Variants in GPATCH2 observed in about 807,000 individuals in gnomAD.
GPATCH2 encodes G patch domain-containing protein 2.
In GPATCH2, 51 loss-of-function variants were observed where a neutral mutation model predicts 58.0. The ratio of observed to expected loss-of-function variants is 0.88; its 90% CI spans 0.70 to 1.11. The LOEUF is 1.11. Among genes scored for constraint, GPATCH2 ranks in the 50% most tolerant of loss-of-function variants. GPATCH2 has a pLI of 0.00. For missense variants in GPATCH2, 625 were observed against 652.2 expected, an observed-to-expected ratio of 0.96 and a Z score of 0.45; for synonymous variants, 222 against 218.5, an observed-to-expected ratio of 1.02 and a Z score of -0.14.
At chr1:217,613,283 A>G (rs1020653542) in intron 3 of GPATCH2, among the ~76,000 whole-genome samples, 2 of 152,102 alleles carry the variant, frequency 1.3e-5, no homozygotes. Flanking sequence ...TGTTTTTTGT[A>G]CTGCCAAAAG....
At chr1:217,489,276 T>A (rs889647057) in intron 8 of GPATCH2, among the ~76,000 whole-genome samples, 2 of 152,174 alleles carry the variant, frequency 1.3e-5, no homozygotes, top group African/African-American at 4.8e-5. Context: ...GGCAATATTT[T>A]AATTACATTT....
chr1:217,524,006 A>T (rs1663655982), intron 5 of GPATCH2, among the ~76,000 whole-genome samples: 1 of 135,778 alleles, frequency 7.4e-6, no homozygotes, highest in Non-Finnish European at 1.6e-5. Flanking sequence ...GGGGCTCCTC[A>T]CTTCCCAGTA....
chr1:217,561,367 G>A (rs1665916165), intron 5 of GPATCH2, among the ~76,000 whole-genome samples: 1 of 152,128 alleles, frequency 6.6e-6, no homozygotes, highest in Non-Finnish European at 1.5e-5. Context: ...AAAAACATAC[G>A]CACAGCAGTT....
At chr1:217,519,163 A>T (rs1663325447) in intron 5 of GPATCH2, among the ~76,000 whole-genome samples, 2 of 152,250 alleles carry the variant, frequency 1.3e-5, no homozygotes, top group South Asian at 4.1e-4. Flanking sequence ...ATAAAGGAAG[A>T]TTCTTCGAAA....
intron 2 of GPATCH2, among the ~76,000 whole-genome samples, chr1:217,616,424 A>G (rs767072603): frequency 6.6e-6 from 1 of 152,046 alleles, no homozygotes; most frequent in Non-Finnish European, 1.5e-5. Flanking sequence ...TGGTATGCCT[A>G]TCTCCACTCT....
intron 9 of GPATCH2, among the ~76,000 whole-genome samples, chr1:217,437,320 C>A (rs965523407): frequency 2.0e-5 from 3 of 152,210 alleles, no homozygotes; most frequent in Non-Finnish European, 4.4e-5. Context: ...TGAGCAGACA[C>A]CAAGCTAGCT....
rs150174756 is a variant in GPATCH2, at chr1:217,527,716, A to G, written c.1099-12827T>C. ...AATAATAATGAAGCCAATTATATCTATTAAATTCTACATTTAGTCCTAGAA... is the reference window on the plus strand; with the variant it reads ...AATAATAATGAAGCCAATTATATCTGTTAAATTCTACATTTAGTCCTAGAA... On this transcript the variant is annotated intron_variant, in intron 5 of 9. Coordinates refer to ENST00000366935, the MANE Select transcript of GPATCH2 (RefSeq NM_018040.5). Among the ~76,000 whole-genome samples the G allele has an allele frequency of 2.2e-3, 330 of 152,312 alleles. 3 individuals are homozygous for G. Among genetic ancestry groups the G allele is most frequent in the African/African-American group, 7.2e-3 (300 of 41,560 alleles).
At chr1:217,595,693 T>C (rs1667791483) in intron 5 of GPATCH2, among the ~76,000 whole-genome samples, 1 of 151,994 alleles carries the variant, frequency 6.6e-6, no homozygotes, top group South Asian at 2.1e-4. Context: ...AGAGAAAGGG[T>C]TTTGCCATGC....
At chr1:217,525,480 A>G (rs578155404) in intron 5 of GPATCH2, among the ~76,000 whole-genome samples, 3 of 152,336 alleles carry the variant, frequency 2.0e-5, no homozygotes, top group East Asian at 1.9e-4. Context: ...TAAACATTCT[A>G]TTTTATGTTT....
intron 9 of GPATCH2, among the ~76,000 whole-genome samples, chr1:217,431,692 TA>T (rs1347604152): frequency 4.6e-5 from 7 of 152,208 alleles, no homozygotes; most frequent in Non-Finnish European, 1.5e-5. Context: ...ATCATGTATG[TA>T]AAGAAACTTC....
chr1:217,524,186 G>A (rs138166369), intron 5 of GPATCH2, among the ~76,000 whole-genome samples: 50,501 of 143,652 alleles, frequency 0.35, 9,869 homozygotes, highest in Non-Finnish European at 0.43. Flanking sequence ...CAGACGGGGC[G>A]GCTGCTGGGC....
chr1:217,551,587 G>C (rs1453295976), intron 5 of GPATCH2, among the ~76,000 whole-genome samples: 1 of 152,092 alleles, frequency 6.6e-6, no homozygotes, highest in African/African-American at 2.4e-5. Context: ...TGCCAAAAAA[G>C]TCTCCTTTGC....
At chr1:217,522,831 TACAC>T (rs140850986) in intron 5 of GPATCH2, among the ~76,000 whole-genome samples, 9 of 149,322 alleles carry the variant, frequency 6.0e-5, no homozygotes, top group Non-Finnish European at 8.9e-5. Flanking sequence ...ACTTGTTCAA[TACAC>T]ACACACACAC....
At chr1:217,454,945 G>T (rs1437836815) in intron 8 of GPATCH2, among the ~76,000 whole-genome samples, 2 of 152,040 alleles carry the variant, frequency 1.3e-5, no homozygotes, top group Non-Finnish European at 2.9e-5. Context: ...TGTTTTTAAT[G>T]GTGGTGTTTT....
In GPATCH2 at chr1:217,489,899, A is replaced by T. The variant is rs576673780; in HGVS notation, c.1277+1781T>A. Among the ~76,000 whole-genome samples, 25 of 152,294 alleles carry T rather than the reference A, an allele frequency of 1.6e-4. 1 individual carries two copies. The South Asian group carries it at 5.2e-3, about 32-fold the overall frequency. The stretch of plus-strand genomic sequence containing the variant: ...AATTGAGAAACTCCGTCTCAAATTA[A>T]AGAAATTTTTTTTAAAAAGTCCTAC... On this transcript the variant is annotated intron_variant, in intron 8 of 9. Coordinates refer to ENST00000366935, the MANE Select transcript of GPATCH2 (RefSeq NM_018040.5).
At chr1:217,486,510 T>G (rs1486959299) in intron 8 of GPATCH2, among the ~76,000 whole-genome samples, 1 of 152,090 alleles carries the variant, frequency 6.6e-6, no homozygotes, top group African/African-American at 2.4e-5. Flanking sequence ...TTTTTAAATG[T>G]TTTATAGAGA....
chr1:217,530,431 T>C (rs1009212242), intron 5 of GPATCH2, among the ~76,000 whole-genome samples: 3 of 152,226 alleles, frequency 2.0e-5, no homozygotes, highest in African/African-American at 7.2e-5. Context: ...GCTATTATTA[T>C]TTGTATTAAT....
At chr1:217,609,315 A>G in intron 5 of GPATCH2, 2 of 985,328 alleles carry the variant, frequency 2.0e-6, no homozygotes, top group Middle Eastern at 5.2e-4. Context: ...TTTAAACATG[A>G]CAATATGATT....
intron 5 of GPATCH2, among the ~76,000 whole-genome samples, chr1:217,556,000 GCT>G (rs1413588954): frequency 6.6e-6 from 1 of 152,124 alleles, no homozygotes; most frequent in Non-Finnish European, 1.5e-5. Context: ...CATTTGAACT[GCT>G]CTCTCTTTCT....
Sources: gnomAD v4.1 joint callset for allele counts (sites outside exome capture counted in the v4.1 genomes callset) on GRCh38, gnomAD v4.1.1 for gene constraint, MANE v1.5 for transcripts, NCBI Gene and HGNC (gene_info 2026-07-23, HGNC 2026-07-21) for gene names.